SLC24A2: variants seen among roughly 807,000 people sequenced by gnomAD.
SLC24A2 encodes the protein sodium/potassium/calcium exchanger 2.
In SLC24A2, 36 loss-of-function variants were observed where a neutral mutation model predicts 62.0. That is an observed-to-expected ratio of 0.58 (90% CI 0.44 to 0.77). SLC24A2 has a LOEUF of 0.77. SLC24A2 is among the 30% of genes least tolerant of loss of function. SLC24A2 has a pLI of 0.00. For synonymous variants in SLC24A2, 358 were observed against 294.0 expected (o/e 1.22, Z -2.23); for missense variants, 846 against 817.9 (o/e 1.03, Z -0.42).
chr9:20,231,087 G>T, the SLC24A2 span, among the ~76,000 whole-genome samples: 7 of 152,152 alleles, frequency 4.6e-5, no homozygotes, highest in African/African-American at 1.7e-4. Context: ...TGTTCCATTG[G>T]TCTATATCTC....
chr9:20,297,013 T>C, the SLC24A2 span, among the ~76,000 whole-genome samples: 1 of 152,200 alleles, frequency 6.6e-6, no homozygotes. Context: ...GAATTTTTAT[T>C]TTTTCCAGAA....
the SLC24A2 span, among the ~76,000 whole-genome samples, chr9:20,251,084 G>C: frequency 1.3e-5 from 2 of 152,192 alleles, no homozygotes; most frequent in African/African-American, 4.8e-5. Context: ...AGAGAAGAAG[G>C]CAGTGAAAAA....
chr9:20,153,263 T>G, the SLC24A2 span, among the ~76,000 whole-genome samples: 1 of 151,800 alleles, frequency 6.6e-6, no homozygotes, highest in African/African-American at 2.4e-5. Context: ...AAACTGAATC[T>G]AAAAAGAGCA....
intron 2 of SLC24A2, among the ~76,000 whole-genome samples, chr9:19,742,810 C>G (rs922256673): frequency 6.6e-6 from 1 of 152,152 alleles, no homozygotes; most frequent in African/African-American, 2.4e-5. Context: ...ATGTCTCTCA[C>G]AGGACATCTG....
chr9:20,253,496 T>C, the SLC24A2 span, among the ~76,000 whole-genome samples: 1 of 152,198 alleles, frequency 6.6e-6, no homozygotes, highest in Non-Finnish European at 1.5e-5. Context: ...ATCTCACTAT[T>C]GTTTATCCAA....
chr9:19,575,415 A>C (rs920478659), intron 6 of SLC24A2, among the ~76,000 whole-genome samples: 1 of 152,250 alleles, frequency 6.6e-6, no homozygotes, highest in Non-Finnish European at 1.5e-5. Flanking sequence ...GGGAGTTAAC[A>C]TGTCCAAGAA....
chr9:20,069,784 C>T, the SLC24A2 span, among the ~76,000 whole-genome samples: 2 of 152,154 alleles, frequency 1.3e-5, no homozygotes, highest in Non-Finnish European at 2.9e-5. Context: ...TAAGATTCAT[C>T]CATATTATTT....
At chr9:19,651,529 G>T (rs1818800924) in intron 2 of SLC24A2, among the ~76,000 whole-genome samples, 1 of 151,448 alleles carries the variant, frequency 6.6e-6, no homozygotes, top group Non-Finnish European at 1.5e-5. Flanking sequence ...AAGGAAATAT[G>T]GTTTGCTGCT....
At chr9:19,890,533 T>G in the SLC24A2 span, among the ~76,000 whole-genome samples, 2 of 152,156 alleles carry the variant, frequency 1.3e-5, no homozygotes, top group Non-Finnish European at 2.9e-5. Context: ...GTCAGCATAT[T>G]TATTGGTTGG....
At chr9:20,225,826 T>C in the SLC24A2 span, among the ~76,000 whole-genome samples, 1 of 151,842 alleles carries the variant, frequency 6.6e-6, no homozygotes, top group Non-Finnish European at 1.5e-5. Context: ...GTGCTCTCAA[T>C]GGCCATGGGT....
the SLC24A2 span, among the ~76,000 whole-genome samples, chr9:20,033,381 T>C: frequency 3.3e-5 from 5 of 152,218 alleles, no homozygotes; most frequent in African/African-American, 9.7e-5. Context: ...TGGTACCTAA[T>C]AGGGATGTAA....
At chr9:20,010,068 C>T in the SLC24A2 span, among the ~76,000 whole-genome samples, 1 of 152,200 alleles carries the variant, frequency 6.6e-6, no homozygotes, top group Non-Finnish European at 1.5e-5. Context: ...CGGCGCTCCA[C>T]CTGATTTCAG....
At chr9:19,792,962 G>A (rs530535205), upstream of SLC24A2, among the ~76,000 whole-genome samples, 1 of 152,184 alleles carries the variant, frequency 6.6e-6, no homozygotes, top group Admixed American at 6.5e-5. Flanking sequence ...AAAAGAACTG[G>A]GGTTATTTTT....
chr9:19,525,765 GTTTTTTT>G (rs71496823), intron 9 of SLC24A2, among the ~76,000 whole-genome samples: 2 of 99,132 alleles, frequency 2.0e-5, no homozygotes, highest in Admixed American at 1.1e-4. Context: ...ACATGCTACT[GTTTTTTT>G]TTTTTTTTTT....
At chr9:19,608,835 T>C (rs1418284447) in intron 4 of SLC24A2, among the ~76,000 whole-genome samples, 1 of 151,788 alleles carries the variant, frequency 6.6e-6, no homozygotes, top group Non-Finnish European at 1.5e-5. Context: ...CGCACATACC[T>C]AGCACCCCTC....
chr9:19,546,867 G>A (rs1256847210), intron 8 of SLC24A2, among the ~76,000 whole-genome samples: 1 of 152,210 alleles, frequency 6.6e-6, no homozygotes, highest in Non-Finnish European at 1.5e-5. Flanking sequence ...TGTGGGAAAA[G>A]CACAGTGTCT....
intron 1 of SLC24A2, 147 bp downstream of exon 1, chr9:19,788,738 A>T: frequency 1.0e-6 from 1 of 985,382 alleles, no homozygotes; most frequent in Non-Finnish European, 1.2e-6. Context: ...AGAGTTGGCT[A>T]ACTCCTAGCG....
the SLC24A2 span, among the ~76,000 whole-genome samples, chr9:20,221,094 G>A: frequency 6.6e-6 from 1 of 152,118 alleles, no homozygotes; most frequent in Non-Finnish European, 1.5e-5. Context: ...GAGGAAGAGA[G>A]ACAGTGAACA....
intron 2 of SLC24A2, among the ~76,000 whole-genome samples, chr9:19,681,925 G>T (rs1430224365): frequency 2.0e-5 from 3 of 152,152 alleles, no homozygotes; most frequent in Non-Finnish European, 4.4e-5. Flanking sequence ...TGAGAGAGGT[G>T]TAACAAACAC....
Sources: gnomAD v4.1 joint callset for allele counts (sites outside exome capture counted in the v4.1 genomes callset) on GRCh38, gnomAD v4.1.1 for gene constraint, MANE v1.5 for transcripts, NCBI Gene and HGNC (gene_info 2026-07-23, HGNC 2026-07-21) for gene names.